The following TMLHE variants were observed in gnomAD, a reference collection of about 807,000 sequenced individuals.
TMLHE encodes the protein trimethyllysine hydroxylase, epsilon.
A neutral mutation model predicts 25.7 loss-of-function variants in TMLHE; 18 were observed. The observed-to-expected ratio is 0.70, with a 90% CI of 0.48 to 1.04. The LOEUF is 1.04. Ranked by LOEUF, TMLHE falls within the 50% of genes least tolerant of loss-of-function variation. The pLI, the probability that TMLHE is intolerant of heterozygous loss-of-function variation, is 0.00. For missense variants in TMLHE, 236 were observed against 259.0 expected, an observed-to-expected ratio of 0.91 and a Z score of 0.61; for synonymous variants, 105 against 97.0, an observed-to-expected ratio of 1.08 and a Z score of -0.49.
At chrX:155,586,242 A>C (rs1246712306) in intron 1 of TMLHE, among the ~76,000 whole-genome samples, 1 of 102,592 alleles carries the variant, frequency 9.7e-6, no homozygotes, top group African/African-American at 3.4e-5. Context: ...AAAAAAAAAA[A>C]TCCATGGTTA....
intron 1 of TMLHE, among the ~76,000 whole-genome samples, chrX:155,551,453 C>G (rs2067415156): frequency 9.7e-6 from 1 of 102,721 alleles, no homozygotes; most frequent in South Asian, 4.5e-4. Flanking sequence ...GGAATTGCCA[C>G]ACTGTCTTCC....
chrX:155,548,518 A>G (rs782700710), intron 1 of TMLHE, among the ~76,000 whole-genome samples: 83 of 109,883 alleles, frequency 7.6e-4, no homozygotes, highest in Non-Finnish European at 8.2e-4. Flanking sequence ...GGCGGATCAC[A>G]AGGTCAGCAG....
intron 1 of TMLHE, among the ~76,000 whole-genome samples, chrX:155,568,157 T>G (rs1453150279): frequency 1.3e-4 from 8 of 61,402 alleles, no homozygotes; most frequent in Admixed American, 3.8e-4. Flanking sequence ...TCCGACAGGC[T>G]GAAAAAACGG....
At chrX:155,510,399 CT>C (rs1418340372) in intron 5 of TMLHE, among the ~76,000 whole-genome samples, 5 of 67,594 alleles carry the variant, frequency 7.4e-5, no homozygotes, top group Non-Finnish European at 1.1e-4. Context: ...TCCCTCCCCC[CT>C]CCCCCCACCC....
At chrX:155,581,077 T>G (rs1337560762) in intron 1 of TMLHE, among the ~76,000 whole-genome samples, 7 of 111,911 alleles carry the variant, frequency 6.3e-5, no homozygotes, top group Admixed American at 1.9e-4. Context: ...AAAAACCACA[T>G]GATTATCTCA....
At chrX:155,596,032 G>A (rs1411826547) in intron 1 of TMLHE, among the ~76,000 whole-genome samples, 1 of 111,954 alleles carries the variant, frequency 8.9e-6, no homozygotes. Flanking sequence ...CTGAAAGAAA[G>A]ATACCATGAA....
In TMLHE at chrX:155,514,128, C is replaced by T. The variant is rs1557334338; in HGVS notation, c.496G>A (p.Asp166Asn). 3.3e-6 allele frequency: 4 copies of T among 1,209,535 alleles called. No homozygotes were observed. In the East Asian group the frequency reaches 1.2e-4, roughly 36 times the overall value. The change falls in exon 4 of 8, where the codon GAT (aspartate) becomes AAT (asparagine). Residue 166 changes from aspartate to asparagine, a missense_variant. Coordinates refer to ENST00000334398, the MANE Select transcript of TMLHE (RefSeq NM_018196.4). ...IYQQAQVPSV[D>N]CQSFLETNEG... Reference sequence around the variant, plus strand: ...TTGGTTTCTAAGAAGCTCTGGCAATCTACCGATGGAACTTGGGCTTGCTGG... The same window carrying T: ...TTGGTTTCTAAGAAGCTCTGGCAATTTACCGATGGAACTTGGGCTTGCTGG...
intron 1 of TMLHE, among the ~76,000 whole-genome samples, chrX:155,548,082 C>G (rs1317199813): frequency 9.0e-6 from 1 of 111,512 alleles, no homozygotes; most frequent in Non-Finnish European, 1.9e-5. Context: ...TTGCCATATA[C>G]AAAAAATACA....
At position 155,551,598 on chromosome X, in the gene TMLHE, A is replaced by G. The variant is rs1171832330; in HGVS notation, c.-1-6321T>C. Reference sequence around the variant, plus strand: ...AGTTAGAGAATGTTACCTCCACTTCACTTTTCAGTTCTAGTATTTCCACTT... The same window carrying G: ...AGTTAGAGAATGTTACCTCCACTTCGCTTTTCAGTTCTAGTATTTCCACTT... On this transcript the variant is annotated intron_variant, in intron 1 of 7. Coordinates refer to ENST00000334398, the MANE Select transcript of TMLHE (RefSeq NM_018196.4). Among the ~76,000 whole-genome samples, 8 of 109,093 alleles carry G rather than the reference A, an allele frequency of 7.3e-5. 1 individual carries two copies. Among genetic ancestry groups the G allele is most frequent in the African/African-American group, 2.7e-4 (8 of 29,192 alleles). The allele number at this position is 109,093 out of a possible 115,157, so 94.7% of individuals were successfully genotyped here.
chrX:155,549,345 T>C (rs1603051990), intron 1 of TMLHE, among the ~76,000 whole-genome samples: 1 of 110,725 alleles, frequency 9.0e-6, no homozygotes. Flanking sequence ...TTGTTAGCCA[T>C]GTTTTTGGAT....
At chrX:155,593,153 C>T (rs2067702465) in intron 1 of TMLHE, among the ~76,000 whole-genome samples, 1 of 111,807 alleles carries the variant, frequency 8.9e-6, no homozygotes. Flanking sequence ...CAGCCTGCAC[C>T]CCTGGCCCAA....
intron 1 of TMLHE, among the ~76,000 whole-genome samples, chrX:155,557,212 T>C (rs1286411069): frequency 8.9e-6 from 1 of 112,306 alleles, no homozygotes; most frequent in Non-Finnish European, 1.9e-5. Flanking sequence ...GGGTATTGAT[T>C]GGGGAAGTGA....
intron 1 of TMLHE, among the ~76,000 whole-genome samples, chrX:155,600,111 G>C (rs1320854749): frequency 1.8e-5 from 2 of 111,580 alleles, no homozygotes; most frequent in African/African-American, 6.5e-5. Flanking sequence ...AATTTTCTAG[G>C]AGTAAATCTA....
intron 1 of TMLHE, among the ~76,000 whole-genome samples, chrX:155,547,298 C>A (rs1346742233): frequency 3.1e-5 from 3 of 96,374 alleles, no homozygotes; most frequent in Non-Finnish European, 2.1e-5. Flanking sequence ...GCACCTGCCA[C>A]CACGCCCGGC....
intron 1 of TMLHE, among the ~76,000 whole-genome samples, chrX:155,590,454 A>G (rs2067688180): frequency 8.9e-6 from 1 of 111,939 alleles, no homozygotes; most frequent in Admixed American, 9.5e-5. Context: ...CCTTTCTTCC[A>G]TCTCTTCTTT....
rs1262659167 is a variant in TMLHE at position 155,560,671 on chromosome X, CAAAAGAAAAAA to C, written c.-1-15405_-1-15395del. On this transcript the variant is annotated intron_variant, in intron 1 of 7. Coordinates refer to ENST00000334398, the MANE Select transcript of TMLHE (RefSeq NM_018196.4). ...AAGTTGTGATTATATCTGTTGTGGC[CAAAAGAAAAAA>C]AAAAGAAAGAAAAAACATTGTAGCT... is the stretch of plus-strand genomic sequence containing the variant. Among the ~76,000 whole-genome samples the C allele has an allele frequency of 1.4e-4, 6 of 44,110 alleles. 3 individuals are homozygous for C. Among genetic ancestry groups the C allele is most frequent in the Non-Finnish European group, 3.6e-4 (6 of 16,772 alleles). The allele number at this position is 44,110 out of a possible 115,157, so 38.3% of individuals were successfully genotyped here.
rs368103945 is a variant in TMLHE, at chrX:155,558,571, T to C, written c.-1-13294A>G. On this transcript the variant is annotated intron_variant, in intron 1 of 7. Coordinates refer to ENST00000334398, the MANE Select transcript of TMLHE (RefSeq NM_018196.4). ...TGAAAATTGAATTGAATTATTATTC[T>C]TCCAGCATCATAGCCCCTTTAAATC... Among the ~76,000 whole-genome samples, 12 of 111,837 alleles carry C rather than the reference T, an allele frequency of 1.1e-4. 1 individual carries two copies. The East Asian group carries it at 1.4e-3, about 13-fold the overall frequency.
At chrX:155,588,714 A>G (rs1201757446) in intron 1 of TMLHE, among the ~76,000 whole-genome samples, 1 of 111,792 alleles carries the variant, frequency 8.9e-6, no homozygotes, top group Non-Finnish European at 1.9e-5. Flanking sequence ...ACAAATTGCC[A>G]TCAGCTGTAG....
chrX:155,584,555 C>T (rs1481839207), intron 1 of TMLHE, among the ~76,000 whole-genome samples: 2 of 110,983 alleles, frequency 1.8e-5, no homozygotes, highest in African/African-American at 6.5e-5. Flanking sequence ...GTTTTCTCCC[C>T]ACCACATTAT....
Sources: allele counts gnomAD v4.1 joint callset (sites outside exome capture counted in the v4.1 genomes callset), GRCh38; gene constraint gnomAD v4.1.1; transcripts MANE v1.5; gene names NCBI Gene and HGNC (gene_info 2026-07-23, HGNC 2026-07-21).